Variants in SYCP3 observed in about 807,000 individuals in gnomAD.
SYCP3 encodes synaptonemal complex protein 3.
A neutral mutation model predicts 38.5 loss-of-function variants in SYCP3; 29 were observed. That is an observed-to-expected ratio of 0.75 (90% CI 0.56 to 1.03). The LOEUF (loss-of-function observed/expected upper bound fraction) is 1.03, where lower values mean the gene tolerates loss of function less well. Ranked by LOEUF, SYCP3 falls within the 50% of genes least tolerant of loss-of-function variation. The probability of loss-of-function intolerance (pLI) is 0.00; values close to 1 mark genes in which losing one functional copy is unlikely to be tolerated. For missense variants in SYCP3, 242 were observed against 270.7 expected, an observed-to-expected ratio of 0.89 and a Z score of 0.74; for synonymous variants, 79 against 80.3, an observed-to-expected ratio of 0.98 and a Z score of 0.08.
chr12:101,739,372 G>A lies in SYCP3; in HGVS notation c.-39C>T, dbSNP rs1183447562. 1 of 1,002,826 alleles carries A rather than the reference G, an allele frequency of 1.0e-6. No individual in the cohort carries two copies. The allele number at this position is 1,002,826 out of a possible 1,614,324, so 62.1% of individuals were successfully genotyped here. On this transcript the variant is annotated 5_prime_UTR_variant, in exon 1 of 9. Coordinates refer to ENST00000392924, the MANE Select transcript of SYCP3 (RefSeq NM_001177949.2). Reference sequence around the variant, plus strand: ...ACACCTGAAACACACCGCAATGGCCGAGGACCAGTTACTGGTCGTCGACAG... The same window carrying A: ...ACACCTGAAACACACCGCAATGGCCAAGGACCAGTTACTGGTCGTCGACAG...
intron 6 of SYCP3, chr12:101,731,902 A>T (rs572389407): frequency 4.0e-5 from 14 of 347,340 alleles, no homozygotes; most frequent in Admixed American, 4.0e-4. Flanking sequence ...TCATGTCTTA[A>T]TTCTTGGTGA....
At chr12:101,739,311 C>T (rs554204693) in intron 1 of SYCP3, 40 bp downstream of exon 1, 1 of 1,002,720 alleles carries the variant, frequency 1.0e-6, no homozygotes, top group East Asian at 1.1e-4. Flanking sequence ...AGCCTCTGGC[C>T]TGGACACCTG....
At chr12:101,736,415 T>C (rs182318649) in intron 4 of SYCP3, among the ~76,000 whole-genome samples, 14 of 152,206 alleles carry the variant, frequency 9.2e-5, no homozygotes, top group Non-Finnish European at 1.9e-4. Flanking sequence ...GTATGAACAA[T>C]CCATTTAGAG....
Position 101,731,656 on chromosome 12 carries a change from C to A in SYCP3, c.464G>T (p.Arg155Leu). 1.3e-6 allele frequency: 2 copies of A among 1,595,802 alleles called. No individual in the cohort carries two copies. Among genetic ancestry groups the A allele is most frequent in the South Asian group, 2.3e-5 (2 of 86,924 alleles). ...TTGTTGAAGAATCTTTTGTTGCTGT[C>A]GAAACATATTCTACAAATATAAAAG... ...EQEEKILNMF[R>L]QQQKILQQSR... Residue 155 changes from arginine (R) to leucine (L), a missense_variant, in exon 7 of 9, where the codon CGA becomes CTA. Arg to Leu is a moderately radical substitution (Grantham distance 102, BLOSUM62 -2). Coordinates refer to ENST00000392924, the MANE Select transcript of SYCP3 (RefSeq NM_001177949.2).
rs1952067655 is a variant in SYCP3, at chr12:101,729,119, A to G, written c.647T>C (p.Met216Thr). Residue 216 changes from methionine (M) to threonine (T), a missense_variant, in exon 8 of 9, where the codon ATG becomes ACG. Coordinates refer to ENST00000392924, the MANE Select transcript of SYCP3 (RefSeq NM_001177949.2). Reference protein sequence around the residue: ...KEMAMLQKKIMMETQQQEIAS... With the variant: ...KEMAMLQKKITMETQQQEIAS... ...AATATGATCACTTACAGTTTCCATC[A>G]TAATTTTTTTTTGCAACATAGCCAT... The G allele has an allele frequency of 2.5e-6, 4 of 1,610,612 alleles. No homozygotes were observed. Among genetic ancestry groups the G allele is most frequent in the South Asian group, 1.1e-5 (1 of 90,762 alleles).
intron 7 of SYCP3, 199 bp from the exon 8 acceptor site, chr12:101,729,412 A>G (rs983725952): frequency 8.8e-6 from 5 of 570,506 alleles, no homozygotes; most frequent in Non-Finnish European, 1.5e-5. Context: ...ATAAAATGTT[A>G]TAGGAAGTAC....
At chr12:101,739,289 C>T in intron 1 of SYCP3, 62 bp downstream of exon 1, 1 of 1,002,444 alleles carries the variant, frequency 1.0e-6, no homozygotes, top group Non-Finnish European at 1.2e-6. Context: ...ATTTACCTCA[C>T]TGGTCAAGGG....
chr12:101,733,925 T>C (rs1398166113), intron 5 of SYCP3, among the ~76,000 whole-genome samples: 1 of 152,218 alleles, frequency 6.6e-6, no homozygotes, highest in South Asian at 2.1e-4. Flanking sequence ...TTTTATTGTA[T>C]ATATAAATTT....
intron 6 of SYCP3, chr12:101,733,259 C>G (rs1159266814): frequency 1.5e-5 from 5 of 326,176 alleles, no homozygotes; most frequent in Admixed American, 4.5e-5. Context: ...ACTACATGAG[C>G]AACCCCCTCC....
At chr12:101,731,932 G>T (rs533189206) in intron 6 of SYCP3, 29 of 305,434 alleles carry the variant, frequency 9.5e-5, no homozygotes, top group African/African-American at 6.0e-4. Flanking sequence ...CCACACAGAT[G>T]ATCCTTCCAA....
At chr12:101,735,885 A>T (rs1177042375) in intron 4 of SYCP3, among the ~76,000 whole-genome samples, 52 of 99,958 alleles carry the variant, frequency 5.2e-4, no homozygotes, top group African/African-American at 2.0e-3. Context: ...TTTTTTTTTT[A>T]AAGACACGGG....
At chr12:101,729,249 C>A in intron 7 of SYCP3, 36 bp from the exon 8 acceptor site, 5 of 1,594,424 alleles carry the variant, frequency 3.1e-6, no homozygotes, top group Non-Finnish European at 4.3e-6. Context: ...TTACAAAGGA[C>A]CACTTTTCAT....
intron 4 of SYCP3, among the ~76,000 whole-genome samples, chr12:101,735,863 A>ATTT (rs1436443061): frequency 1.5e-5 from 1 of 68,256 alleles, no homozygotes; most frequent in African/African-American, 6.8e-5. Flanking sequence ...ATATATATAT[A>ATTT]TATATATATT....
chr12:101,730,729 C>A, intron 7 of SYCP3: 1 of 204,406 alleles, frequency 4.9e-6, no homozygotes, highest in Non-Finnish European at 1.0e-5. Flanking sequence ...TCTTGAAACC[C>A]TGGGCTCGAG....
At position 101,733,382 on chromosome 12, in the gene SYCP3, C is replaced by T. The variant is rs1299101313; in HGVS notation, c.453+193G>A. Reference sequence around the variant, plus strand: ...TCTGTCACTTGGAAATGCAGGAACCCCAAACAATATAAATGCCTTTTATGA... The same window carrying T: ...TCTGTCACTTGGAAATGCAGGAACCTCAAACAATATAAATGCCTTTTATGA... On this transcript the variant is annotated intron_variant, in intron 6 of 8. Transcript: ENST00000392924. 13 of 533,850 alleles carry T rather than the reference C, an allele frequency of 2.4e-5. No homozygotes were observed. In the East Asian group the frequency reaches 3.7e-4, roughly 15 times the overall value. The allele number at this position is 533,850 out of a possible 1,614,324, so 33.1% of individuals were successfully genotyped here.
Position 101,735,871 on chromosome 12 carries a change from A to ATATATATATATATATTTTTT in SYCP3, c.236-828_236-827insAAAAAATATATATATATATA. Among the ~76,000 whole-genome samples the ATATATATATATATATTTTTT allele has an allele frequency of 9.8e-4, 73 of 74,718 alleles. 1 individual carries two copies. The highest frequency in any genetic ancestry group is 4.3e-3 in the African/African-American group (69 of 15,902). The allele number at this position is 74,718 out of a possible 152,430, so 49.0% of individuals were successfully genotyped here. On this transcript the variant is annotated intron_variant, in intron 4 of 8. Coordinates refer to ENST00000392924, the MANE Select transcript of SYCP3 (RefSeq NM_001177949.2). ...CAATTTTATATATATATATATATAT[A>ATATATATATATATATTTTTT]TTTTTTTTTTTTTAAAGACACGGGG... is the stretch of plus-strand genomic sequence containing the variant.
Position 101,739,197 on chromosome 12 carries a change from C to T in SYCP3, c.-18+154G>A, listed in dbSNP as rs1012224762. ...CCCAGCCCGCCCGCTTTCCACTAGGCCCTATCCTGCTCAAGGCCCTGTCCT... is the reference window on the plus strand; with the variant it reads ...CCCAGCCCGCCCGCTTTCCACTAGGTCCTATCCTGCTCAAGGCCCTGTCCT... On this transcript the variant is annotated intron_variant, in intron 1 of 8. Transcript: ENST00000392924. 14 of 701,998 alleles carry T rather than the reference C, an allele frequency of 2.0e-5. No homozygotes were observed. In the Admixed American group the frequency reaches 3.1e-4, roughly 16 times the overall value. 43.5% of individuals were successfully genotyped at this position (701,998 alleles called of 1,614,324 possible). A position where few individuals can be genotyped will look rare whatever the true frequency, so the allele number is the denominator to read the frequency against.
At chr12:101,735,871 A>ATATATATATTTTT in intron 4 of SYCP3, among the ~76,000 whole-genome samples, 2 of 74,762 alleles carry the variant, frequency 2.7e-5, no homozygotes, top group African/African-American at 1.3e-4. Context: ...ATATATATAT[A>ATATATATATTTTT]TTTTTTTTTT....
At chr12:101,739,285 C>G in intron 1 of SYCP3, 66 bp downstream of exon 1, 6 of 1,002,394 alleles carry the variant, frequency 6.0e-6, no homozygotes, top group Non-Finnish European at 7.2e-6. Context: ...TAAGATTTAC[C>G]TCACTGGTCA....
Sources: allele counts gnomAD v4.1 joint callset (sites outside exome capture counted in the v4.1 genomes callset), GRCh38; gene constraint gnomAD v4.1.1; transcripts MANE v1.5; gene names NCBI Gene and HGNC (gene_info 2026-07-23, HGNC 2026-07-21).